The following LARGE1 variants were observed in gnomAD, a reference collection of about 807,000 sequenced individuals.
LARGE1 encodes xylosyl- and glucuronyltransferase LARGE1.
In LARGE1, 43 loss-of-function variants were observed where a neutral mutation model predicts 87.6. The ratio of observed to expected loss-of-function variants is 0.49; its 90% confidence interval spans 0.38 to 0.63. The LOEUF (loss-of-function observed/expected upper bound fraction) is 0.63, where lower values mean the gene tolerates loss of function less well. LARGE1 is among the 30% of genes least tolerant of loss of function. The pLI is 0.00. For missense variants in LARGE1, 802 were observed against 1,000.2 expected (o/e 0.80, Z 2.67); for synonymous variants, 434 against 394.6 (o/e 1.10, Z -1.18).
chr22:33,725,942 A>C (rs528278789), intron 2 of LARGE1, among the ~76,000 whole-genome samples: 3 of 152,282 alleles, frequency 2.0e-5, no homozygotes, highest in African/African-American at 4.8e-5. Flanking sequence ...GGAGTCACAA[A>C]TCAGGGGAGA....
At chr22:33,466,119 A>G (rs538256217) in intron 6 of LARGE1, among the ~76,000 whole-genome samples, 1 of 152,166 alleles carries the variant, frequency 6.6e-6, no homozygotes, top group Admixed American at 6.5e-5. Context: ...GCCATGTTGG[A>G]CTTTCCACCC....
intron 1 of LARGE1, among the ~76,000 whole-genome samples, chr22:33,852,215 G>C (rs1568986548): frequency 1.3e-5 from 2 of 152,142 alleles, no homozygotes; most frequent in African/African-American, 4.8e-5. Context: ...ACTCATGATG[G>C]AGAAGGCTGA....
the LARGE1 span, among the ~76,000 whole-genome samples, chr22:33,118,667 T>C: frequency 2.6e-5 from 4 of 152,172 alleles, no homozygotes; most frequent in African/African-American, 9.7e-5. Context: ...GGCTGTGGTA[T>C]CCTCCTTTTG....
At chr22:33,861,191 T>C (rs1484252620) in intron 1 of LARGE1, among the ~76,000 whole-genome samples, 1 of 152,082 alleles carries the variant, frequency 6.6e-6, no homozygotes, top group African/African-American at 2.4e-5. Flanking sequence ...TGGTATTCTC[T>C]CCAAAGCTCC....
chr22:33,912,973 G>A (rs1005988642), intron 1 of LARGE1, among the ~76,000 whole-genome samples: 2 of 152,094 alleles, frequency 1.3e-5, no homozygotes, highest in African/African-American at 4.8e-5. Context: ...TGGGATTACA[G>A]GCGTGCGCCA....
chr22:33,282,151 C>T (rs1410898150), intron 13 of LARGE1, among the ~76,000 whole-genome samples: 2 of 152,082 alleles, frequency 1.3e-5, no homozygotes, highest in African/African-American at 2.4e-5. Context: ...TCGAGACCAG[C>T]CTGACCAATA....
At chr22:33,551,218 C>T (rs1401981300) in intron 6 of LARGE1, among the ~76,000 whole-genome samples, 1 of 152,146 alleles carries the variant, frequency 6.6e-6, no homozygotes, top group Non-Finnish European at 1.5e-5. Context: ...CACACAAAGA[C>T]ATATACAGCC....
chr22:33,287,013 T>C (rs972001687), intron 12 of LARGE1, among the ~76,000 whole-genome samples: 5 of 152,164 alleles, frequency 3.3e-5, no homozygotes. Context: ...CTCTTGGAAA[T>C]TTGAATAGAA....
intron 4 of LARGE1, among the ~76,000 whole-genome samples, chr22:33,605,390 C>T (rs188840326): frequency 2.1e-4 from 32 of 152,236 alleles, no homozygotes; most frequent in Non-Finnish European, 1.8e-4. Context: ...GCAAAACTTC[C>T]GGAGTTAAAT....
chr22:33,752,537 AT>A (rs2084359573), intron 2 of LARGE1, among the ~76,000 whole-genome samples: 1 of 152,230 alleles, frequency 6.6e-6, no homozygotes. Context: ...ATGGTCTTAA[AT>A]CATTCAGACA....
At chr22:33,814,357 A>T (rs1299313762) in intron 1 of LARGE1, among the ~76,000 whole-genome samples, 4 of 152,232 alleles carry the variant, frequency 2.6e-5, no homozygotes, top group African/African-American at 7.2e-5. Flanking sequence ...GGTTCCTGAC[A>T]TATCAGTAAC....
Position 33,642,830 on chromosome 22 carries a change from T to A in LARGE1, c.408+7537A>T, listed in dbSNP as rs192866189. Among the ~76,000 whole-genome samples the A allele has an allele frequency of 2.9e-3, 432 of 148,216 alleles. 2 individuals are homozygous for A. Among genetic ancestry groups the A allele is most frequent in the African/African-American group, 0.01 (410 of 39,836 alleles). ...AGTGCATTACATAATGGTAAAGGGATCAATGTAACATGAAGAGCTAACTAT... is the reference window on the plus strand; with the variant it reads ...AGTGCATTACATAATGGTAAAGGGAACAATGTAACATGAAGAGCTAACTAT... On this transcript the variant is annotated intron_variant, in intron 3 of 14. Transcript: ENST00000397394.
chr22:33,241,215 G>GCT (rs3071497), intron 11 of LARGE1, among the ~76,000 whole-genome samples: 29,245 of 150,984 alleles, frequency 0.19, 3,165 homozygotes, highest in South Asian at 0.31. Flanking sequence ...GAAGACATAT[G>GCT]CTCTCTCTCT....
intron 1 of LARGE1, among the ~76,000 whole-genome samples, chr22:33,767,614 C>T (rs1031890235): frequency 4.6e-5 from 7 of 152,058 alleles, no homozygotes; most frequent in East Asian, 3.9e-4. Context: ...CAAGCGTGTG[C>T]GCCAGCTATC....
At chr22:33,259,918 G>A (rs1367517192) in intron 11 of LARGE1, among the ~76,000 whole-genome samples, 3 of 152,098 alleles carry the variant, frequency 2.0e-5, no homozygotes, top group African/African-American at 7.2e-5. Context: ...GGAGAGACTG[G>A]CCCTCCCAGG....
intron 6 of LARGE1, among the ~76,000 whole-genome samples, chr22:33,484,826 T>G (rs903413148): frequency 1.3e-5 from 2 of 152,190 alleles, no homozygotes; most frequent in Non-Finnish European, 2.9e-5. Flanking sequence ...TATTGTCATT[T>G]TTGTGACACT....
intron 4 of LARGE1, among the ~76,000 whole-genome samples, chr22:33,623,018 CA>C (rs1471100897): frequency 3.3e-5 from 5 of 152,052 alleles, no homozygotes; most frequent in African/African-American, 1.2e-4. Context: ...GCTAGGGCAA[CA>C]GGAATAAAAT....
chr22:33,589,940 G>C (rs1457622544), intron 5 of LARGE1, among the ~76,000 whole-genome samples: 1 of 152,106 alleles, frequency 6.6e-6, no homozygotes, highest in Non-Finnish European at 1.5e-5. Context: ...AGTAGGGCCT[G>C]TGTAATTTTT....
At chr22:33,335,388 G>A (rs980318646) in intron 10 of LARGE1, among the ~76,000 whole-genome samples, 6 of 152,138 alleles carry the variant, frequency 3.9e-5, no homozygotes, top group African/African-American at 1.4e-4. Context: ...CAGAGCCAGT[G>A]GCGATCCACT....
Sources: gnomAD v4.1 joint callset for allele counts (sites outside exome capture counted in the v4.1 genomes callset) on GRCh38, gnomAD v4.1.1 for gene constraint, MANE v1.5 for transcripts, NCBI Gene and HGNC (gene_info 2026-07-23, HGNC 2026-07-21) for gene names.